Variants in CFAP74 observed in about 807,000 individuals in gnomAD.
The protein encoded by CFAP74 is cilia and flagella associated protein 74.
In CFAP74, 124 loss-of-function variants were observed where a neutral mutation model predicts 188.9. The observed-to-expected ratio is 0.66, with a 90% CI of 0.57 to 0.76. CFAP74 has a LOEUF of 0.76. CFAP74 is among the 30% of genes least tolerant of loss of function. The pLI is 0.00. For missense variants in CFAP74, 2,198 were observed against 2,165.2 expected, an observed-to-expected ratio of 1.02 and a Z score of -0.30; for synonymous variants, 956 against 916.7, an observed-to-expected ratio of 1.04 and a Z score of -0.77.
chr1:1,993,958 G>A (rs982350665), intron 1 of CFAP74, among the ~76,000 whole-genome samples: 1 of 151,182 alleles, frequency 6.6e-6, no homozygotes, highest in East Asian at 1.9e-4. Context: ...CTCCAGCCTG[G>A]GCGACAGAGC....
At chr1:1,925,302 GCA>G (rs1273794316) in intron 33 of CFAP74, among the ~76,000 whole-genome samples, 1 of 150,536 alleles carries the variant, frequency 6.6e-6, no homozygotes, top group African/African-American at 2.5e-5. Context: ...AGGCATGAGG[GCA>G]CACGCTGGTG....
At chr1:1,922,532 C>T in intron 38 of CFAP74, 57 bp downstream of exon 38, 1 of 1,590,710 alleles carries the variant, frequency 6.3e-7, no homozygotes, top group Admixed American at 1.8e-5. Flanking sequence ...GGGGTGTCAG[C>T]CCACCCAGCC....
chr1:1,958,253 T>C (rs1654804689), intron 16 of CFAP74, among the ~76,000 whole-genome samples: 1 of 152,236 alleles, frequency 6.6e-6, no homozygotes, highest in African/African-American at 2.4e-5. Flanking sequence ...AGCGCGCCTC[T>C]GCCCTTCGCC....
chr1:1,981,456 C>G (rs1252546212), intron 6 of CFAP74, among the ~76,000 whole-genome samples: 1 of 147,686 alleles, frequency 6.8e-6, no homozygotes, highest in African/African-American at 2.5e-5. Context: ...CACGGGGGCA[C>G]GCAGGACACC....
rs539911058 is a variant in CFAP74, at chr1:1,973,218, C to T, written c.675-171G>A. Among the ~76,000 whole-genome samples, 1 of 152,334 alleles carries T rather than the reference C, an allele frequency of 6.6e-6. No individual in the cohort carries two copies. Among genetic ancestry groups the T allele is most frequent in the South Asian group, 2.1e-4 (1 of 4,824 alleles). ...GCGAGGGTCCCTGGAGAGCTGATGC[C>T]GTGGGCCACACAGATGTCAAACTCT... On this transcript the variant is annotated intron_variant, in intron 7 of 38. Coordinates refer to ENST00000682832, the MANE Select transcript of CFAP74 (RefSeq NM_001304360.2). The surrounding 1 kb of genome is among the most constrained non-coding windows in gnomAD (Gnocchi z 6.2).
chr1:1,957,572 G>C (rs776768074), intron 16 of CFAP74, among the ~76,000 whole-genome samples: 1 of 152,192 alleles, frequency 6.6e-6, no homozygotes, highest in Admixed American at 6.5e-5. Flanking sequence ...CGAGGGTCTC[G>C]GTGCTCCTGT....
rs1172309260 is a variant in CFAP74 at position 1,922,386 on chromosome 1, T to C, written c.4821A>G (p.Pro1607=). 2.5e-6 allele frequency: 4 copies of C among 1,603,334 alleles called. No individual in the cohort carries two copies. The South Asian group carries it at 3.3e-5, about 13-fold the overall frequency. ...GGGCCGACACCATGAGTGGGTGGTC[T>C]GGCTGGAACAGGAGGGGAGGGGAGA... ...ISWVPPADFD[P]DHPLMVSALL... is the part of the protein sequence containing the mutation. The change falls in exon 39 of 39, where the codon CCA becomes CCG. Residue 1607 remains proline (P), a splice_region_variant and synonymous_variant. Coordinates refer to ENST00000682832, the MANE Select transcript of CFAP74 (RefSeq NM_001304360.2).
chr1:1,952,076 G>A (rs538596644), intron 18 of CFAP74, among the ~76,000 whole-genome samples: 17 of 152,210 alleles, frequency 1.1e-4, no homozygotes, highest in African/African-American at 2.6e-4. Flanking sequence ...CTCAGCCTCC[G>A]GAGTAGCTGA....
At chr1:1,960,783 G>A (rs943555784) in intron 14 of CFAP74, among the ~76,000 whole-genome samples, 7 of 152,218 alleles carry the variant, frequency 4.6e-5, no homozygotes, top group East Asian at 1.9e-4. Flanking sequence ...CACAGAGCCC[G>A]GGATGGAGCT....
rs749715324 is a variant in CFAP74 at position 1,968,311 on chromosome 1, G to T, written c.1245+324C>A. Reference sequence around the variant, plus strand: ...GCAGGCGGCTGACCCAGCTCTACAGGGCCAGGCAAGGTGGTCCCAGCCTGG... The same window carrying T: ...GCAGGCGGCTGACCCAGCTCTACAGTGCCAGGCAAGGTGGTCCCAGCCTGG... On this transcript the variant is annotated intron_variant, in intron 11 of 38. Coordinates refer to ENST00000682832, the MANE Select transcript of CFAP74 (RefSeq NM_001304360.2). This position sits in a 1 kb window ranked among gnomAD's most constrained non-coding sequence, Gnocchi z 4.3. Among the ~76,000 whole-genome samples, 9 of 152,136 alleles carry T rather than the reference G, an allele frequency of 5.9e-5. No individual in the cohort carries two copies. Among genetic ancestry groups the T allele is most frequent in the Non-Finnish European group, 1.2e-4 (8 of 68,002 alleles).
chr1:1,925,262 G>A (rs1344457318), intron 33 of CFAP74, among the ~76,000 whole-genome samples: 3 of 148,892 alleles, frequency 2.0e-5, no homozygotes, highest in Non-Finnish European at 3.0e-5. Context: ...ACAGGGCAGC[G>A]CGAAGGCACG....
chr1:1,962,240 A>G (rs1263505946), intron 14 of CFAP74, among the ~76,000 whole-genome samples: 2 of 152,144 alleles, frequency 1.3e-5, no homozygotes, highest in South Asian at 2.1e-4. Context: ...TGGGAGGCCG[A>G]GGTGGGCCTC....
intron 22 of CFAP74, among the ~76,000 whole-genome samples, 165 bp downstream of exon 22, chr1:1,941,863 G>C (rs542554961): frequency 6.6e-6 from 1 of 152,230 alleles, no homozygotes. Flanking sequence ...CACAGACCCA[G>C]CTGTGACTGC....
chr1:1,926,024 CGCTGGAGT>C, intron 32 of CFAP74, 86 bp from the exon 33 acceptor site: 11 of 1,456,974 alleles, frequency 7.5e-6, no homozygotes, highest in Non-Finnish European at 1.0e-5. Context: ...GGGTTCTCAA[CGCTGGAGT>C]TGAGACAGCT....
chr1:1,962,284 T>A (rs1207268830), intron 14 of CFAP74, among the ~76,000 whole-genome samples: 2 of 152,038 alleles, frequency 1.3e-5, no homozygotes, highest in Non-Finnish European at 2.9e-5. Flanking sequence ...ATGACCAGCC[T>A]GGCCAACATG....
rs763819830 is a variant in CFAP74 at position 1,959,927 on chromosome 1, C to T, written c.1761+37G>A. 15 of 1,542,724 alleles carry T rather than the reference C, an allele frequency of 9.7e-6. No individual in the cohort carries two copies. The East Asian group carries it at 3.5e-4, about 36-fold the overall frequency. ...CGATCACAGGCTCCACCCACCACCA[C>T]CTCCCCTTCGAGAGAGAACGGGCCC... is the stretch of plus-strand genomic sequence containing the variant. On this transcript the variant is annotated intron_variant, in intron 15 of 38. Transcript: ENST00000682832.
At chr1:1,989,115 G>A in intron 2 of CFAP74, 142 bp from the exon 3 acceptor site, 2 of 459,378 alleles carry the variant, frequency 4.4e-6, no homozygotes, top group Non-Finnish European at 7.9e-6. Context: ...ACAGGCAGAG[G>A]TAAACAGCCT....
rs545456299 is a variant in CFAP74 at position 1,941,649 on chromosome 1, C to T, written c.2615+379G>A. 4.6e-5 allele frequency among the ~76,000 whole-genome samples: 7 copies of T among 152,248 alleles called. No individual in the cohort carries two copies. The South Asian group carries it at 6.2e-4, about 14-fold the overall frequency. On this transcript the variant is annotated intron_variant, in intron 22 of 38. Coordinates refer to ENST00000682832, the MANE Select transcript of CFAP74 (RefSeq NM_001304360.2). ...GGGAGTGCACGGACCGCAGGGTACCCGTAGCAAGCCAGAGCCTTATCCTGG... is the reference window on the plus strand; with the variant it reads ...GGGAGTGCACGGACCGCAGGGTACCTGTAGCAAGCCAGAGCCTTATCCTGG...
At position 1,974,082 on chromosome 1, in the gene CFAP74, A is replaced by G. The variant is rs1267488192; in HGVS notation, c.617T>C (p.Leu206Pro). The G allele has an allele frequency of 6.2e-7, 1 of 1,611,344 alleles. No individual in the cohort carries two copies. Among genetic ancestry groups the G allele is most frequent in the Non-Finnish European group, 8.5e-7 (1 of 1,178,678 alleles). ...CCCCAGGGCCTCCTGCTCTCTGCAG[A>G]GCTGCTCGGCTGCGCGCACCTGGAG... ...RRLQVRAAEQ[L>P]CREQEALGKV... Residue 206 changes from leucine (L) to proline (P), a missense_variant, in exon 7 of 39, where the codon CTC becomes CCC. Coordinates refer to ENST00000682832, the MANE Select transcript of CFAP74 (RefSeq NM_001304360.2).
Sources: gnomAD v4.1 joint callset for allele counts (sites outside exome capture counted in the v4.1 genomes callset) on GRCh38, gnomAD v4.1.1 for gene constraint, Gnocchi (gnomAD v3.1) non-coding constraint, MANE v1.5 for transcripts, NCBI Gene and HGNC (gene_info 2026-07-23, HGNC 2026-07-21) for gene names.